The following RAI14 variants were observed in gnomAD, a reference collection of about 807,000 sequenced individuals.
RAI14 encodes ankycorbin.
Under a neutral mutation model 115.4 loss-of-function variants are expected in RAI14, and 45 were observed. The ratio of observed to expected loss-of-function variants is 0.39; its 90% confidence interval spans 0.31 to 0.50. RAI14 has a LOEUF of 0.50. Among genes scored for constraint, RAI14 ranks in the 20% least tolerant of loss-of-function variants. The pLI is 0.85. For synonymous variants in RAI14, 371 were observed against 415.4 expected, an observed-to-expected ratio of 0.89 and a Z score of 1.30; for missense variants, 939 against 1,131.2, an observed-to-expected ratio of 0.83 and a Z score of 2.44.
At position 34,830,927 on chromosome 5, in the gene RAI14, C is replaced by T. The variant is rs1757976265; in HGVS notation, c.*162C>T. 1 of 1,318,636 alleles carries T rather than the reference C, an allele frequency of 7.6e-7. No homozygotes were observed. Among genetic ancestry groups the T allele is most frequent in the Admixed American group, 2.7e-5 (1 of 36,734 alleles). The allele number at this position is 1,318,636 out of a possible 1,614,324, so 81.7% of individuals were successfully genotyped here. A position where few individuals can be genotyped will look rare whatever the true frequency, so the allele number is the denominator to read the frequency against. The stretch of plus-strand genomic sequence containing the variant: ...TCTGAGGACTTCTCCCAGGAGAAGA[C>T]TGCCCGCCTCAGAACTGCTTAGAGA... On this transcript the variant is annotated 3_prime_UTR_variant, in exon 18 of 18. Coordinates refer to ENST00000265109, the MANE Select transcript of RAI14 (RefSeq NM_015577.3).
chr5:34,674,981 C>T (rs1199024486), intron 1 of RAI14, among the ~76,000 whole-genome samples: 2 of 151,662 alleles, frequency 1.3e-5, no homozygotes, highest in East Asian at 3.9e-4. Context: ...ACTGCAACCT[C>T]CACCTCCTGG....
At chr5:34,657,727 A>C (rs970444039) in intron 1 of RAI14, among the ~76,000 whole-genome samples, 1 of 152,216 alleles carries the variant, frequency 6.6e-6, no homozygotes, top group African/African-American at 2.4e-5. Context: ...GGGGCCTGGC[A>C]GAGAGGAACT....
At chr5:34,696,402 C>G (rs1739243277) in intron 2 of RAI14, among the ~76,000 whole-genome samples, 1 of 152,188 alleles carries the variant, frequency 6.6e-6, no homozygotes, top group Non-Finnish European at 1.5e-5. Flanking sequence ...TCCCAAAGTG[C>G]TGGGATTACA....
chr5:34,798,138 T>C (rs1753757520), intron 4 of RAI14, among the ~76,000 whole-genome samples: 1 of 152,080 alleles, frequency 6.6e-6, no homozygotes, highest in Non-Finnish European at 1.5e-5. Flanking sequence ...CAGGTTCAAG[T>C]GACTCTCCTG....
At position 34,678,845 on chromosome 5, in the gene RAI14, C is replaced by T. The variant is rs188540542; in HGVS notation, c.-48-8027C>T. ...TTTGTTGCTTCTCCACCAGGGAATC[C>T]GCTTCCCTCTGCCCTCTTTGTCCTT... is the stretch of plus-strand genomic sequence containing the variant. On this transcript the variant is annotated intron_variant, in intron 1 of 17. Transcript: ENST00000265109. Among the ~76,000 whole-genome samples the T allele has an allele frequency of 3.9e-5, 6 of 152,298 alleles. No homozygotes were observed. The East Asian group carries it at 9.6e-4, about 24-fold the overall frequency.
Position 34,767,806 on chromosome 5 carries a change from C to T in RAI14, c.167+10208C>T, listed in dbSNP as rs187178553. 1.5e-3 allele frequency among the ~76,000 whole-genome samples: 225 copies of T among 151,842 alleles called. 2 individuals are homozygous for T. The highest frequency in any genetic ancestry group is 5.1e-3 in the African/African-American group (212 of 41,404). On this transcript the variant is annotated intron_variant, in intron 3 of 17. Coordinates refer to ENST00000265109, the MANE Select transcript of RAI14 (RefSeq NM_015577.3). ...GATTTCTGTTATCAAATTATCAAGG[C>T]GAGAGCCCAATCTTTCCTACTAAGA...
intron 2 of RAI14, among the ~76,000 whole-genome samples, chr5:34,732,088 A>C (rs1744264174): frequency 6.6e-6 from 1 of 152,222 alleles, no homozygotes; most frequent in African/African-American, 2.4e-5. Flanking sequence ...GGTGGTCAGA[A>C]AAAGCAGAAG....
intron 2 of RAI14, among the ~76,000 whole-genome samples, chr5:34,754,285 C>G (rs1040056530): frequency 2.0e-5 from 3 of 152,142 alleles, no homozygotes; most frequent in Non-Finnish European, 4.4e-5. Context: ...TGGCCCAGGA[C>G]TAGACAACTC....
intron 3 of RAI14, among the ~76,000 whole-genome samples, chr5:34,764,749 A>C (rs1749133404): frequency 6.6e-6 from 1 of 152,108 alleles, no homozygotes; most frequent in South Asian, 2.1e-4. Context: ...ATTTATTGCA[A>C]AATTGTGCTT....
chr5:34,677,126 A>G (rs536287172), intron 1 of RAI14, among the ~76,000 whole-genome samples: 1 of 150,684 alleles, frequency 6.6e-6, no homozygotes, highest in Non-Finnish European at 1.5e-5. Context: ...AGGTTAGTAT[A>G]TTCCTTGTCT....
At chr5:34,750,869 T>TTTTTTTTTTTG (rs1746906098) in intron 2 of RAI14, among the ~76,000 whole-genome samples, 1 of 147,840 alleles carries the variant, frequency 6.8e-6, no homozygotes, top group African/African-American at 2.5e-5. Flanking sequence ...TTTTTTTTTT[T>TTTTTTTTTTTG]GAGGTGGAGT....
intron 12 of RAI14, among the ~76,000 whole-genome samples, chr5:34,818,219 A>G (rs1315805952): frequency 6.6e-6 from 1 of 152,210 alleles, no homozygotes; most frequent in Non-Finnish European, 1.5e-5. Context: ...TTTTTATGGT[A>G]TATTAACAGA....
intron 2 of RAI14, among the ~76,000 whole-genome samples, chr5:34,740,795 T>C (rs946173367): frequency 2.0e-5 from 3 of 152,206 alleles, no homozygotes; most frequent in Non-Finnish European, 4.4e-5. Flanking sequence ...TGGAACTAGA[T>C]TTTTCCCCCT....
chr5:34,730,898 G>A (rs1395123959), intron 2 of RAI14, among the ~76,000 whole-genome samples: 5 of 152,174 alleles, frequency 3.3e-5, no homozygotes, highest in African/African-American at 7.2e-5. Flanking sequence ...CAGGAGAATC[G>A]CTTGAACCTG....
At chr5:34,780,822 A>G (rs956596348) in intron 3 of RAI14, among the ~76,000 whole-genome samples, 1 of 152,180 alleles carries the variant, frequency 6.6e-6, no homozygotes, top group Non-Finnish European at 1.5e-5. Context: ...TGATTCCTCA[A>G]GGATCTAGAA....
chr5:34,796,030 A>T lies in RAI14; in HGVS notation c.256+3A>T, dbSNP rs763565665. 3.7e-6 allele frequency: 6 copies of T among 1,604,350 alleles called. No individual in the cohort carries two copies. The South Asian group carries it at 6.6e-5, about 18-fold the overall frequency. On this transcript the variant is annotated splice_donor_region_variant and intron_variant, in intron 4 of 17. Transcript: ENST00000265109. ...TGTGACAGCCCAAGATACTACCGGT[A>T]TGTGGTTTTTAGTCTCTTAAGTCAG...
intron 4 of RAI14, 118 bp downstream of exon 4, chr5:34,796,145 A>G (rs535132575): frequency 3.7e-5 from 29 of 775,814 alleles, no homozygotes; most frequent in Non-Finnish European, 6.1e-5. Flanking sequence ...CTGTAATTAC[A>G]GCACTCTGCG....
chr5:34,749,497 G>A (rs577626331), intron 2 of RAI14, among the ~76,000 whole-genome samples: 1 of 152,336 alleles, frequency 6.6e-6, no homozygotes, highest in East Asian at 1.9e-4. Flanking sequence ...CTGGCCAAGG[G>A]CAGACACTGC....
At chr5:34,769,244 A>G (rs1173564977) in intron 3 of RAI14, among the ~76,000 whole-genome samples, 1 of 152,130 alleles carries the variant, frequency 6.6e-6, no homozygotes, top group Non-Finnish European at 1.5e-5. Flanking sequence ...ATCAGTTCCT[A>G]ATAGAAGCAG....
Sources: allele counts gnomAD v4.1 joint callset (sites outside exome capture counted in the v4.1 genomes callset), GRCh38; gene constraint gnomAD v4.1.1; transcripts MANE v1.5; gene names NCBI Gene and HGNC (gene_info 2026-07-23, HGNC 2026-07-21).